LIN54: variants seen among roughly 807,000 people sequenced by gnomAD.
The protein encoded by LIN54 is lin-54 DREAM MuvB core complex component, also known as protein lin-54 homolog.
LIN54 carries 9 observed loss-of-function variants against 78.7 expected under a neutral mutation model. That is an observed-to-expected ratio of 0.11 (90% confidence interval 0.07 to 0.20). LIN54 has a LOEUF of 0.20. LIN54 is among the 10% of genes least tolerant of loss of function. The pLI is 1.00. For missense variants in LIN54, 573 were observed against 889.9 expected, an observed-to-expected ratio of 0.64 and a Z score of 4.53; for synonymous variants, 269 against 318.4, an observed-to-expected ratio of 0.84 and a Z score of 1.65.
intron 1 of LIN54, among the ~76,000 whole-genome samples, chr4:82,989,113 G>A (rs554652654): frequency 2.6e-5 from 4 of 152,038 alleles, no homozygotes; most frequent in East Asian, 1.9e-4. Flanking sequence ...GCGTGAACCC[G>A]GGAGGCGGAG....
chr4:83,011,840 C>T (rs1273306663), upstream of LIN54, among the ~76,000 whole-genome samples: 1 of 151,332 alleles, frequency 6.6e-6, no homozygotes, highest in Non-Finnish European at 1.5e-5. Context: ...AACTGGCTGC[C>T]TTTGTCAATT....
Position 83,001,690 on chromosome 4 carries a change from A to C in LIN54, c.-33+8794T>G, listed in dbSNP as rs537795076. 5.4e-5 allele frequency among the ~76,000 whole-genome samples: 8 copies of C among 148,222 alleles called. No individual in the cohort carries two copies. The South Asian group carries it at 1.7e-3, about 32-fold the overall frequency. ...GAAACCCCGTCTCTACTAAAAATAC[A>C]AAAAAAAATTAGCTGGGCGTGGTGG... is the stretch of plus-strand genomic sequence containing the variant. On this transcript the variant is annotated intron_variant, in intron 1 of 12. Coordinates refer to ENST00000340417, the MANE Select transcript of LIN54 (RefSeq NM_194282.4).
chr4:82,936,388 G>A lies in LIN54; in HGVS notation c.1605-7C>T. The A allele has an allele frequency of 1.3e-6, 2 of 1,487,316 alleles. No individual in the cohort carries two copies. Among genetic ancestry groups the A allele is most frequent in the Non-Finnish European group, 1.8e-6 (2 of 1,087,718 alleles). The allele number at this position is 1,487,316 out of a possible 1,614,324, so 92.1% of individuals were successfully genotyped here. A position where few individuals can be genotyped will look rare whatever the true frequency, so the allele number is the denominator to read the frequency against. ...TGCAAAGCAATCACAATACCTGAAAGGTAAAAGTCAGTATAAGGTAAAAAG... is the reference window on the plus strand; with the variant it reads ...TGCAAAGCAATCACAATACCTGAAAAGTAAAAGTCAGTATAAGGTAAAAAG... On this transcript the variant is annotated splice_region_variant and splice_polypyrimidine_tract_variant and intron_variant, in intron 9 of 12. Coordinates refer to ENST00000340417, the MANE Select transcript of LIN54 (RefSeq NM_194282.4).
At chr4:83,002,961 T>C (rs1728995789) in intron 1 of LIN54, among the ~76,000 whole-genome samples, 1 of 152,192 alleles carries the variant, frequency 6.6e-6, no homozygotes, top group South Asian at 2.1e-4. Flanking sequence ...GTATTTTTTG[T>C]ACCTAGAGCT....
In LIN54 at chr4:82,984,263, C is replaced by G. The variant is rs772875070; in HGVS notation, c.582G>C (p.Val194=). The change falls in exon 2 of 13, where the codon GTG becomes GTC. Residue 194 remains valine (V), a synonymous_variant. Transcript: ENST00000340417. ...KVVTIGGRPE[V]KPVIGVSALT... Reference sequence around the variant, plus strand: ...ATGCTGAGACACCAATGACAGGTTTCACCTCTGGCCTCCCTCCAATGGTAA... The same window carrying G: ...ATGCTGAGACACCAATGACAGGTTTGACCTCTGGCCTCCCTCCAATGGTAA... 6.2e-7 allele frequency: 1 copy of G among 1,614,152 alleles called. No individual in the cohort carries two copies. The highest frequency in any genetic ancestry group is 1.7e-5 in the Admixed American group (1 of 60,016).
chr4:82,947,235 A>ATATATATATATATT, intron 4 of LIN54, among the ~76,000 whole-genome samples: 9 of 44,288 alleles, frequency 2.0e-4, no homozygotes, highest in East Asian at 1.0e-3. Flanking sequence ...ATATATATAT[A>ATATATATATATATT]TTTTTTTTTT....
At chr4:82,961,159 A>G (rs995236389) in intron 4 of LIN54, among the ~76,000 whole-genome samples, 1 of 152,192 alleles carries the variant, frequency 6.6e-6, no homozygotes, top group Non-Finnish European at 1.5e-5. Flanking sequence ...CTATTTGGAG[A>G]GAAGTGTATT....
At chr4:82,947,235 A>ATATTTT in intron 4 of LIN54, among the ~76,000 whole-genome samples, 6,360 of 44,060 alleles carry the variant, frequency 0.14, 1,089 homozygotes, top group South Asian at 0.18. Flanking sequence ...ATATATATAT[A>ATATTTT]TTTTTTTTTT....
Position 82,926,933 on chromosome 4 carries a change from G to T in LIN54, c.*1169C>A, listed in dbSNP as rs1303572627. 2 of 152,310 alleles carry T rather than the reference G, an allele frequency of 1.3e-5. No homozygotes were observed. Among genetic ancestry groups the T allele is most frequent in the East Asian group, 1.9e-4 (1 of 5,172 alleles). The allele number at this position is 152,310 out of a possible 1,614,324, so 9.4% of individuals were successfully genotyped here. ...GAGGCCGAGGCGGGCGAATCACGAG[G>T]TCAGGAGATCGAGACCATCCTGGCT... On this transcript the variant is annotated 3_prime_UTR_variant, in exon 13 of 13. Transcript: ENST00000340417.
At chr4:83,003,536 A>C (rs559088201) in intron 1 of LIN54, 1 of 151,534 alleles carries the variant, frequency 6.6e-6, no homozygotes, top group Non-Finnish European at 1.5e-5. Context: ...AAAACAATAA[A>C]TTTTTTCTGA....
chr4:83,005,986 A>G (rs779102932), intron 1 of LIN54, among the ~76,000 whole-genome samples: 14 of 152,362 alleles, frequency 9.2e-5, no homozygotes, highest in African/African-American at 1.4e-4. Context: ...TTGAAGCAAC[A>G]TGGATGCAGC....
chr4:82,979,657 G>T (rs916207819), intron 2 of LIN54, among the ~76,000 whole-genome samples: 2 of 151,990 alleles, frequency 1.3e-5, no homozygotes, highest in Non-Finnish European at 2.9e-5. Flanking sequence ...ATGGGGTCCT[G>T]GCCAGGCGCA....
chr4:82,997,829 C>A (rs1230886692), intron 1 of LIN54, among the ~76,000 whole-genome samples: 1 of 151,000 alleles, frequency 6.6e-6, no homozygotes, highest in Non-Finnish European at 1.5e-5. Flanking sequence ...CCTGTCTCTG[C>A]AAAAATACAA....
At chr4:82,978,837 A>C in intron 3 of LIN54, 46 bp downstream of exon 3, 3 of 1,242,728 alleles carry the variant, frequency 2.4e-6, no homozygotes, top group Non-Finnish European at 3.4e-6. Context: ...TTTAAATCTA[A>C]AAGGAAGATA....
intron 2 of LIN54, among the ~76,000 whole-genome samples, chr4:82,981,945 G>A (rs1027339000): frequency 6.6e-6 from 1 of 152,090 alleles, no homozygotes; most frequent in African/African-American, 2.4e-5. Context: ...GACGTGGGAG[G>A]AGCATTTGAG....
Position 82,978,969 on chromosome 4 carries a change from A to G in LIN54, c.722T>C (p.Val241Ala). Residue 241 changes from valine to alanine, a missense_variant, in exon 3 of 13, where the codon GTA (valine) becomes GCA (alanine). Physicochemically the swap from Val to Ala is moderately conservative, Grantham distance 64. Around this residue, in one of 6 missense-constraint regions of LIN54, gnomAD observed 199 missense variants for 260.9 expected, o/e 0.76. Transcript: ENST00000340417. ...TTTTGCAAAGATCAGCTTCGTGATT[A>G]CTGGACCAGAGGTTGGCGTTCGAGG... ...KKPRTPTSGP[V>A]ITKLIFAKPI... is the part of the protein sequence containing the mutation. The G allele has an allele frequency of 6.3e-7, 1 of 1,594,158 alleles. No individual in the cohort carries two copies. The highest frequency in any genetic ancestry group is 1.1e-5 in the South Asian group (1 of 88,394).
chr4:82,930,969 T>C lies in LIN54; in HGVS notation c.2022A>G (p.Thr674=). The C allele has an allele frequency of 6.2e-7, 1 of 1,614,180 alleles. No homozygotes were observed. Among genetic ancestry groups the C allele is most frequent in the Non-Finnish European group, 8.5e-7 (1 of 1,180,008 alleles). Residue 674 remains threonine (T), a synonymous_variant, in exon 12 of 13, where the codon ACA becomes ACG. Coordinates refer to ENST00000340417, the MANE Select transcript of LIN54 (RefSeq NM_194282.4). ...TTCCGCCTCCACTATTTAAAGCTGG[T>C]GTTGGCCTAGTAAGCAAGTCTGAAA... ...SQISDLLTRP[T]PALNSGGGKL... is the part of the protein sequence containing the mutation.
intron 1 of LIN54, among the ~76,000 whole-genome samples, chr4:82,990,973 C>T (rs1727640766): frequency 6.6e-6 from 1 of 151,988 alleles, no homozygotes; most frequent in Non-Finnish European, 1.5e-5. Flanking sequence ...CTGTCACTGC[C>T]TCACTGGTAA....
intron 4 of LIN54, among the ~76,000 whole-genome samples, chr4:82,957,737 C>G (rs760806428): frequency 6.6e-6 from 1 of 152,098 alleles, no homozygotes; most frequent in Non-Finnish European, 1.5e-5. Context: ...CATAATTTAT[C>G]TTTCTTTTCT....
Sources: allele counts gnomAD v4.1 joint callset (sites outside exome capture counted in the v4.1 genomes callset), GRCh38; gene constraint gnomAD v4.1.1; regional missense constraint gnomAD v4.1.1; transcripts MANE v1.5; gene names NCBI Gene and HGNC (gene_info 2026-07-23, HGNC 2026-07-21).